Variants in DNAH7 observed in about 807,000 individuals in gnomAD.
DNAH7 encodes the protein axonemal beta dynein heavy chain 7.
DNAH7 carries 397 observed loss-of-function variants against 444.6 expected under a neutral mutation model. The observed-to-expected ratio is 0.89, with a 90% CI of 0.82 to 0.97. The LOEUF (loss-of-function observed/expected upper bound fraction) is 0.97. Ranked by LOEUF, DNAH7 falls within the 50% of genes least tolerant of loss-of-function variation. The pLI, the probability that DNAH7 is intolerant of heterozygous loss-of-function variation, is 0.00. For missense variants in DNAH7, 4,902 were observed against 4,800.8 expected (o/e 1.02, Z -0.62); for synonymous variants, 1,636 against 1,624.4 (o/e 1.01, Z -0.17).
rs2125093943 is a variant in DNAH7, at chr2:195,864,589, G to A, written c.7066C>T (p.His2356Tyr). The A allele has an allele frequency of 1.9e-6, 3 of 1,614,112 alleles. No individual in the cohort carries two copies. Among genetic ancestry groups the A allele is most frequent in the Non-Finnish European group, 2.5e-6 (3 of 1,180,030 alleles). Residue 2356 changes from histidine to tyrosine, a missense_variant, in exon 41 of 65, where the codon CAC becomes TAC. Coordinates refer to ENST00000312428, the MANE Select transcript of DNAH7 (RefSeq NM_018897.3). ...TGGAAAACTGAATAATCAGCCATGT[G>A]GGCAGCTAATCTGGTGACAGACTGC... ...GRQSVTRLAAHMADYSVFQVE... is the reference protein window; with the variant it reads ...GRQSVTRLAAYMADYSVFQVE...
chr2:195,894,646 A>T (rs1702201848), intron 30 of DNAH7: 1 of 176,728 alleles, frequency 5.7e-6, no homozygotes, highest in Non-Finnish European at 1.2e-5. Flanking sequence ...TTACAAATCT[A>T]TCTAGAAAAT....
intron 54 of DNAH7, among the ~76,000 whole-genome samples, chr2:195,803,445 C>G (rs765452312): frequency 4.6e-5 from 7 of 152,168 alleles, no homozygotes; most frequent in Non-Finnish European, 8.8e-5. Context: ...CTCTTAATGT[C>G]GAAGCTGAAC....
At chr2:195,998,049 T>C (rs571137228) in intron 12 of DNAH7, among the ~76,000 whole-genome samples, 1 of 152,296 alleles carries the variant, frequency 6.6e-6, no homozygotes, top group Admixed American at 6.5e-5. Context: ...CAAAATGTGT[T>C]ACCAGATGAT....
At position 195,987,994 on chromosome 2, in the gene DNAH7, T is replaced by C; in HGVS notation, c.1589A>G (p.Gln530Arg). 1 of 1,612,614 alleles carries C rather than the reference T, an allele frequency of 6.2e-7. No individual in the cohort carries two copies. Among genetic ancestry groups the C allele is most frequent in the South Asian group, 1.1e-5 (1 of 90,924 alleles). Residue 530 changes from glutamine to arginine, a missense_variant, in exon 13 of 65, where the codon CAG becomes CGG. Transcript: ENST00000312428. ...GTACTGTATTTCCTCTATTAGTTTCTGGTATTTGCAAATTTCATCTATTAT... is the reference window on the plus strand; with the variant it reads ...GTACTGTATTTCCTCTATTAGTTTCCGGTATTTGCAAATTTCATCTATTAT... Reference protein sequence around the residue: ...EKIIDEICKYQKLIEEIQYTS... With the variant: ...EKIIDEICKYRKLIEEIQYTS...
chr2:195,777,774 T>G (rs767231313), intron 59 of DNAH7, 26 bp downstream of exon 59: 44 of 1,577,844 alleles, frequency 2.8e-5, no homozygotes, highest in Middle Eastern at 1.7e-4. Flanking sequence ...CTTACTGCTT[T>G]TAGTTTTTTT....
intron 63 of DNAH7, among the ~76,000 whole-genome samples, chr2:195,752,514 C>T (rs1693850231): frequency 6.6e-6 from 1 of 152,012 alleles, no homozygotes; most frequent in Non-Finnish European, 1.5e-5. Flanking sequence ...CAGAGATTTG[C>T]ATTTGGAGGA....
chr2:195,891,906 A>G (rs1702035176), intron 30 of DNAH7, 102 bp from the exon 31 acceptor site: 1 of 929,684 alleles, frequency 1.1e-6, no homozygotes. Context: ...CTACAAAGAA[A>G]GTATTAGAAG....
chr2:196,017,133 G>C (rs1211692825), intron 9 of DNAH7, among the ~76,000 whole-genome samples: 2 of 152,058 alleles, frequency 1.3e-5, no homozygotes, highest in Non-Finnish European at 2.9e-5. Flanking sequence ...TCCGGCCTCA[G>C]CCTCCCAAGT....
chr2:195,738,700 T>C (rs2105866727), intron 64 of DNAH7, among the ~76,000 whole-genome samples: 1 of 152,302 alleles, frequency 6.6e-6, no homozygotes, highest in South Asian at 2.1e-4. Context: ...CTCATCAATC[T>C]TAAAAATAAG....
At chr2:196,053,510 T>C (rs1697613591) in intron 2 of DNAH7, among the ~76,000 whole-genome samples, 1 of 152,184 alleles carries the variant, frequency 6.6e-6, no homozygotes, top group Non-Finnish European at 1.5e-5. Flanking sequence ...ATGGTTCTGA[T>C]GATACAAACA....
Position 195,824,499 on chromosome 2 carries a change from T to C in DNAH7, c.9101-54A>G, listed in dbSNP as rs1402545030. 3 of 1,412,270 alleles carry C rather than the reference T, an allele frequency of 2.1e-6. No individual in the cohort carries two copies. The Admixed American group carries it at 6.6e-5, about 31-fold the overall frequency. 87.5% of individuals were successfully genotyped at this position (1,412,270 alleles called of 1,614,324 possible). On this transcript the variant is annotated intron_variant, in intron 48 of 64. Coordinates refer to ENST00000312428, the MANE Select transcript of DNAH7 (RefSeq NM_018897.3). ...TTATTTTAAATATTGACTATAAATATTATAAATATTCAACCCTCCAAGTTC... is the reference window on the plus strand; with the variant it reads ...TTATTTTAAATATTGACTATAAATACTATAAATATTCAACCCTCCAAGTTC...
At chr2:195,874,815 T>C (rs1179732197) in intron 38 of DNAH7, among the ~76,000 whole-genome samples, 1 of 152,090 alleles carries the variant, frequency 6.6e-6, no homozygotes, top group Non-Finnish European at 1.5e-5. Context: ...AGTGAGACCC[T>C]GTCTCAAAAA....
intron 45 of DNAH7, among the ~76,000 whole-genome samples, chr2:195,854,498 C>A (rs1395645914): frequency 1.3e-5 from 2 of 152,168 alleles, no homozygotes; most frequent in African/African-American, 2.4e-5. Flanking sequence ...TATGTAATTG[C>A]AGTATTTGTG....
chr2:195,744,569 C>A (rs1208886769), intron 63 of DNAH7, among the ~76,000 whole-genome samples: 1 of 152,194 alleles, frequency 6.6e-6, no homozygotes, highest in East Asian at 1.9e-4. Flanking sequence ...GTCCCTGACC[C>A]CTCACCCCCG....
intron 63 of DNAH7, among the ~76,000 whole-genome samples, chr2:195,746,119 G>C (rs1574356448): frequency 6.6e-6 from 1 of 152,056 alleles, no homozygotes; most frequent in East Asian, 1.9e-4. Context: ...CACGTGCAGA[G>C]ACACATAGGC....
intron 9 of DNAH7, among the ~76,000 whole-genome samples, chr2:196,016,554 G>C (rs1695033133): frequency 6.6e-6 from 1 of 152,198 alleles, no homozygotes; most frequent in African/African-American, 2.4e-5. Context: ...GCTAAAGCCA[G>C]TTTTAAGGAT....
At chr2:195,968,605 G>A (rs1247595917) in intron 17 of DNAH7, among the ~76,000 whole-genome samples, 1 of 152,086 alleles carries the variant, frequency 6.6e-6, no homozygotes, top group Non-Finnish European at 1.5e-5. Flanking sequence ...CATGGCATAA[G>A]CACTTCCTCA....
chr2:195,861,684 A>G, intron 42 of DNAH7, 33 bp downstream of exon 42: 1 of 1,494,980 alleles, frequency 6.7e-7, no homozygotes, highest in Non-Finnish European at 9.3e-7. Context: ...TAATTGCCAT[A>G]GCTTACTTAG....
chr2:196,038,145 A>G (rs1384660398), intron 5 of DNAH7, among the ~76,000 whole-genome samples: 1 of 152,176 alleles, frequency 6.6e-6, no homozygotes, highest in Non-Finnish European at 1.5e-5. Context: ...TCAATCAAGA[A>G]TACTATACTT....
Sources: allele counts gnomAD v4.1 joint callset (sites outside exome capture counted in the v4.1 genomes callset), GRCh38; gene constraint gnomAD v4.1.1; transcripts MANE v1.5; gene names NCBI Gene and HGNC (gene_info 2026-07-23, HGNC 2026-07-21).